SLC24A2: variants seen among roughly 807,000 people sequenced by gnomAD.
SLC24A2 encodes sodium/potassium/calcium exchanger 2.
Under a neutral mutation model 62.0 loss-of-function variants are expected in SLC24A2, and 36 were observed. That is an observed-to-expected ratio of 0.58 (90% CI 0.44 to 0.77). The LOEUF (loss-of-function observed/expected upper bound fraction) is 0.77. Among genes scored for constraint, SLC24A2 ranks in the 30% least tolerant of loss-of-function variants. SLC24A2 has a pLI of 0.00. For synonymous variants in SLC24A2, 358 were observed against 294.0 expected (o/e 1.22, Z -2.23); for missense variants, 846 against 817.9 (o/e 1.03, Z -0.42).
chr9:20,089,796 C>T, the SLC24A2 span, among the ~76,000 whole-genome samples: 8 of 151,618 alleles, frequency 5.3e-5, no homozygotes, highest in Non-Finnish European at 8.8e-5. Flanking sequence ...ACTTACAGCA[C>T]ACCACAGCAT....
upstream of SLC24A2, among the ~76,000 whole-genome samples, chr9:19,793,181 C>T (rs1564104679): frequency 6.6e-6 from 1 of 152,184 alleles, no homozygotes; most frequent in South Asian, 2.1e-4. Flanking sequence ...GTTATGATAA[C>T]AAAAAGTTCA....
chr9:20,034,525 T>C, the SLC24A2 span, among the ~76,000 whole-genome samples: 1 of 145,548 alleles, frequency 6.9e-6, no homozygotes, highest in Non-Finnish European at 1.5e-5. Context: ...AGTGGCGCGA[T>C]CTCTGCTCAC....
At chr9:19,618,998 A>T (rs1039908989) in intron 4 of SLC24A2, among the ~76,000 whole-genome samples, 1 of 152,214 alleles carries the variant, frequency 6.6e-6, no homozygotes, top group South Asian at 2.1e-4. Flanking sequence ...ATGTGATTAC[A>T]CTGGGAAGTG....
At chr9:19,666,974 ACACT>A (rs1016456305) in intron 2 of SLC24A2, among the ~76,000 whole-genome samples, 1 of 152,194 alleles carries the variant, frequency 6.6e-6, no homozygotes, top group Non-Finnish European at 1.5e-5. Flanking sequence ...TTAAAACAAA[ACACT>A]CAGTACAAAT....
At chr9:20,177,957 C>T in the SLC24A2 span, among the ~76,000 whole-genome samples, 38 of 152,178 alleles carry the variant, frequency 2.5e-4, no homozygotes, top group African/African-American at 8.4e-4. Context: ...TATCTATCTG[C>T]CTCCTTACTT....
chr9:19,667,641 T>G (rs1264196142), intron 2 of SLC24A2, among the ~76,000 whole-genome samples: 2 of 152,128 alleles, frequency 1.3e-5, no homozygotes, highest in Non-Finnish European at 2.9e-5. Flanking sequence ...TCTTCCCCAG[T>G]GAAGCACTGG....
intron 2 of SLC24A2, among the ~76,000 whole-genome samples, chr9:19,715,621 G>C (rs1471889242): frequency 7.9e-5 from 12 of 152,126 alleles, no homozygotes. Flanking sequence ...TCCTCATTGT[G>C]TTTGAACCCA....
At chr9:20,100,057 C>G in the SLC24A2 span, among the ~76,000 whole-genome samples, 1 of 151,842 alleles carries the variant, frequency 6.6e-6, no homozygotes, top group African/African-American at 2.4e-5. Flanking sequence ...CTCATTCTGT[C>G]ACCCAGGCTG....
chr9:19,956,640 C>T, the SLC24A2 span, among the ~76,000 whole-genome samples: 12 of 152,114 alleles, frequency 7.9e-5, no homozygotes, highest in African/African-American at 2.9e-4. Flanking sequence ...GGGAAACTCC[C>T]GTTTTTAAAA....
the SLC24A2 span, among the ~76,000 whole-genome samples, chr9:20,250,747 G>T: frequency 2.6e-5 from 4 of 152,218 alleles, no homozygotes; most frequent in South Asian, 2.1e-4. Context: ...AAAAGAAAGA[G>T]AAATCTAAAA....
chr9:20,050,151 T>C, the SLC24A2 span, among the ~76,000 whole-genome samples: 2 of 150,904 alleles, frequency 1.3e-5, 1 homozygote, highest in Non-Finnish European at 2.9e-5. Flanking sequence ...AACATCAGAA[T>C]TGTCACTCTC....
At chr9:20,008,412 G>A in the SLC24A2 span, among the ~76,000 whole-genome samples, 1 of 152,034 alleles carries the variant, frequency 6.6e-6, no homozygotes, top group East Asian at 1.9e-4. Flanking sequence ...ATTCTCTATT[G>A]GTTTTAGAGG....
intron 2 of SLC24A2, among the ~76,000 whole-genome samples, chr9:19,634,438 G>A (rs1406630598): frequency 2.6e-5 from 4 of 151,926 alleles, no homozygotes; most frequent in Admixed American, 6.6e-5. Context: ...ACAGGCATGC[G>A]CCACCATGCC....
At chr9:19,546,535 C>T (rs564477022) in intron 8 of SLC24A2, among the ~76,000 whole-genome samples, 1 of 152,134 alleles carries the variant, frequency 6.6e-6, no homozygotes, top group Non-Finnish European at 1.5e-5. Flanking sequence ...ACACCCCTTC[C>T]CCCACCAAGC....
the SLC24A2 span, among the ~76,000 whole-genome samples, chr9:20,071,544 G>A: frequency 6.6e-6 from 1 of 152,166 alleles, no homozygotes. Context: ...CCCCCAAAAT[G>A]TGTCCATGTT....
At chr9:20,008,806 G>A in the SLC24A2 span, among the ~76,000 whole-genome samples, 32 of 152,218 alleles carry the variant, frequency 2.1e-4, no homozygotes, top group Non-Finnish European at 3.7e-4. Flanking sequence ...CCCACTGGCA[G>A]CACTCAGGGC....
chr9:20,021,479 G>A, the SLC24A2 span, among the ~76,000 whole-genome samples: 1 of 151,782 alleles, frequency 6.6e-6, no homozygotes, highest in Admixed American at 6.6e-5. Flanking sequence ...ATCCACAAAA[G>A]CCACAGCACC....
At chr9:19,888,761 GA>G in the SLC24A2 span, among the ~76,000 whole-genome samples, 1 of 152,160 alleles carries the variant, frequency 6.6e-6, no homozygotes, top group Non-Finnish European at 1.5e-5. Flanking sequence ...GTCGTGGCCT[GA>G]AGTTGCTATA....
At chr9:19,966,660 AG>A in the SLC24A2 span, among the ~76,000 whole-genome samples, 1 of 152,338 alleles carries the variant, frequency 6.6e-6, no homozygotes, top group East Asian at 1.9e-4. Context: ...TTGGAAAATG[AG>A]AAATACAAAT....
Sources: gnomAD v4.1 joint callset for allele counts (sites outside exome capture counted in the v4.1 genomes callset) on GRCh38, gnomAD v4.1.1 for gene constraint, MANE v1.5 for transcripts, NCBI Gene and HGNC (gene_info 2026-07-23, HGNC 2026-07-21) for gene names.